SPTA1: variants seen among roughly 807,000 people sequenced by gnomAD.
SPTA1 encodes the protein spectrin alpha, erythrocytic 1.
A neutral mutation model predicts 324.7 loss-of-function variants in SPTA1; 177 were observed. That is an observed-to-expected ratio of 0.55 (90% CI 0.48 to 0.62). The LOEUF (loss-of-function observed/expected upper bound fraction) is 0.62. Ranked by LOEUF, SPTA1 falls within the 20% of genes least tolerant of loss-of-function variation. SPTA1 has a pLI of 0.00. For synonymous variants in SPTA1, 1,195 were observed against 1,041.3 expected (o/e 1.15, Z -2.84); for missense variants, 3,162 against 2,883.6 (o/e 1.10, Z -2.21).
chr1:158,635,842 A>T, intron 38 of SPTA1, 71 bp downstream of exon 38: 1 of 1,609,132 alleles, frequency 6.2e-7, no homozygotes, highest in Non-Finnish European at 8.5e-7. Context: ...GCAGGCACTT[A>T]AGTATCCTCC....
chr1:158,638,373 G>A (rs1229955561), intron 35 of SPTA1, 132 bp from the exon 36 acceptor site: 18 of 900,940 alleles, frequency 2.0e-5, no homozygotes, highest in Non-Finnish European at 3.0e-5. Context: ...GTTTGATTAT[G>A]TGTTATACAT....
In SPTA1 at chr1:158,619,268, A is replaced by T. The variant is rs779027668; in HGVS notation, c.6484T>A (p.Phe2162Ile). 6.2e-7 allele frequency: 1 copy of T among 1,613,854 alleles called. No homozygotes were observed. The highest frequency in any genetic ancestry group is 8.5e-7 in the Non-Finnish European group (1 of 1,179,932). ...AGGAAGGTACTGGCATTCTGTTCAA[A>T]CTCCTGACACATCTCAAAGTTCTTG... is the stretch of plus-strand genomic sequence containing the variant. ...QVKNFEMCQE[F>I]EQNASTFLQW... Residue 2162 changes from phenylalanine (F) to isoleucine (I), a missense_variant, in exon 45 of 52, where the codon TTT (phenylalanine) becomes ATT (isoleucine). Transcript: ENST00000643759.
In SPTA1 at chr1:158,663,092, T is replaced by G. The variant is rs770887796; in HGVS notation, c.2221-147A>C. The G allele has an allele frequency of 7.8e-4, 912 of 1,166,008 alleles. 1 individual carries two copies. The highest frequency in any genetic ancestry group is 1.1e-3 in the Non-Finnish European group (859 of 816,006). The allele number at this position is 1,166,008 out of a possible 1,614,324, so 72.2% of individuals were successfully genotyped here. ...TCTAATTAAATCAGTGAAATGGAGT[T>G]GGAAGGGTTGCTACACTGGGGACCA... On this transcript the variant is annotated intron_variant, in intron 16 of 51. Coordinates refer to ENST00000643759, the MANE Select transcript of SPTA1 (RefSeq NM_003126.4).
intron 43 of SPTA1, among the ~76,000 whole-genome samples, chr1:158,621,854 C>G (rs1649930194): frequency 6.6e-6 from 1 of 152,014 alleles, no homozygotes; most frequent in South Asian, 2.1e-4. Flanking sequence ...TTCCACTGAC[C>G]ATTCTGATTT....
chr1:158,646,329 G>A (rs747503409), intron 27 of SPTA1, among the ~76,000 whole-genome samples: 34 of 152,240 alleles, frequency 2.2e-4, no homozygotes, highest in Non-Finnish European at 4.9e-4. Flanking sequence ...GGAACCCTTA[G>A]CTCTAGGAAA....
At chr1:158,657,878 TA>T (rs1652939125) in intron 18 of SPTA1, among the ~76,000 whole-genome samples, 184 bp from the exon 19 acceptor site, 1 of 152,196 alleles carries the variant, frequency 6.6e-6, no homozygotes, top group Admixed American at 6.5e-5. Flanking sequence ...TAACAAAAGG[TA>T]CTAATGGGAG....
intron 30 of SPTA1, among the ~76,000 whole-genome samples, chr1:158,643,757 G>A (rs777382321): frequency 1.3e-5 from 2 of 152,152 alleles, no homozygotes; most frequent in Non-Finnish European, 2.9e-5. Context: ...TTTAAAGTAA[G>A]AGAGTCTGCT....
At chr1:158,654,430 G>A (rs934748666) in intron 21 of SPTA1, among the ~76,000 whole-genome samples, 181 bp downstream of exon 21, 2 of 152,120 alleles carry the variant, frequency 1.3e-5, no homozygotes, top group African/African-American at 4.8e-5. Flanking sequence ...AATTCCAAAA[G>A]ATATGTGTAG....
At chr1:158,644,526 A>C in intron 29 of SPTA1, 130 bp from the exon 30 acceptor site, 1 of 1,057,370 alleles carries the variant, frequency 9.5e-7, no homozygotes, top group Non-Finnish European at 1.4e-6. Context: ...AGAAACACTC[A>C]TGTGACAAAT....
chr1:158,643,449 C>G, intron 30 of SPTA1, 24 bp from the exon 31 acceptor site: 1 of 1,607,466 alleles, frequency 6.2e-7, no homozygotes, highest in South Asian at 1.1e-5. Context: ...AAGGAAAGAG[C>G]CCAGATGCTT....
chr1:158,612,745 G>A, intron 51 of SPTA1, 72 bp downstream of exon 51: 1 of 1,573,208 alleles, frequency 6.4e-7, no homozygotes, highest in South Asian at 1.1e-5. Context: ...TTCAAAGTAG[G>A]CCACCGGGCC....
At chr1:158,653,455 A>ATT (rs763962842) in intron 21 of SPTA1, 30 bp from the exon 22 acceptor site, 11 of 1,613,246 alleles carry the variant, frequency 6.8e-6, no homozygotes, top group Non-Finnish European at 2.5e-6. Flanking sequence ...CCACTCCGTC[A>ATT]TTAATTCTTG....
intron 35 of SPTA1, among the ~76,000 whole-genome samples, 184 bp from the exon 36 acceptor site, chr1:158,638,425 C>T (rs1246427162): frequency 6.6e-6 from 1 of 152,080 alleles, no homozygotes; most frequent in Admixed American, 6.5e-5. Context: ...TATGTGGGAG[C>T]GATAGAGGTA....
chr1:158,680,539 A>G (rs1490070574), intron 5 of SPTA1, 44 bp downstream of exon 5: 1 of 1,612,588 alleles, frequency 6.2e-7, no homozygotes, highest in Non-Finnish European at 8.5e-7. Flanking sequence ...ATTCTTAAGG[A>G]TAAGAACCCT....
chr1:158,641,463 GA>G (rs993106410), intron 33 of SPTA1, among the ~76,000 whole-genome samples: 135 of 152,068 alleles, frequency 8.9e-4, no homozygotes, highest in African/African-American at 3.0e-3. Context: ...ACATTTACAA[GA>G]AAAAAACAAA....
chr1:158,642,142 C>A (rs559016239), intron 33 of SPTA1, among the ~76,000 whole-genome samples: 1 of 151,772 alleles, frequency 6.6e-6, no homozygotes, highest in Non-Finnish European at 1.5e-5. Flanking sequence ...GGGAACATCA[C>A]ACACCAGGGA....
intron 4 of SPTA1, among the ~76,000 whole-genome samples, chr1:158,681,229 GAGA>G (rs1211491228): frequency 6.6e-6 from 1 of 152,088 alleles, no homozygotes; most frequent in Non-Finnish European, 1.5e-5. Flanking sequence ...AAAAACATAG[GAGA>G]AGGAGTTAAA....
intron 33 of SPTA1, 152 bp from the exon 34 acceptor site, chr1:158,640,159 A>G: frequency 1.0e-6 from 1 of 959,778 alleles, no homozygotes; most frequent in Non-Finnish European, 1.6e-6. Context: ...GTTATACTTA[A>G]TCTGGGAAAA....
chr1:158,677,843 A>G lies in SPTA1; in HGVS notation c.813-9T>C. On this transcript the variant is annotated splice_polypyrimidine_tract_variant and intron_variant, in intron 6 of 51. Coordinates refer to ENST00000643759, the MANE Select transcript of SPTA1 (RefSeq NM_003126.4). The stretch of plus-strand genomic sequence containing the variant: ...TGGCTTCAGTCACATCCCTGCAGTC[A>G]TTAACAAGAGCTCCAACCAAAGAAG... 1 of 1,613,450 alleles carries G rather than the reference A, an allele frequency of 6.2e-7. No homozygotes were observed. The highest frequency in any genetic ancestry group is 8.5e-7 in the Non-Finnish European group (1 of 1,179,586).
Sources: allele counts gnomAD v4.1 joint callset (sites outside exome capture counted in the v4.1 genomes callset), GRCh38; gene constraint gnomAD v4.1.1; transcripts MANE v1.5; gene names NCBI Gene and HGNC (gene_info 2026-07-23, HGNC 2026-07-21).